TRPC1: variants seen among roughly 807,000 people sequenced by gnomAD.
TRPC1 encodes the protein transient receptor potential cation channel subfamily C member 1, also known as short transient receptor potential channel 1.
Under a neutral mutation model 88.2 loss-of-function variants are expected in TRPC1, and 42 were observed. The ratio of observed to expected loss-of-function variants is 0.48; its 90% CI spans 0.37 to 0.62. The LOEUF is 0.62. Among genes scored for constraint, TRPC1 ranks in the 20% least tolerant of loss-of-function variants. The pLI, the probability that TRPC1 is intolerant of heterozygous loss-of-function variation, is 0.00. For missense variants in TRPC1, 699 were observed against 957.3 expected (o/e 0.73, Z 3.56); for synonymous variants, 288 against 331.8 (o/e 0.87, Z 1.43).
chr3:142,736,684 C>A, intron 2 of TRPC1, 151 bp downstream of exon 2: 1 of 786,984 alleles, frequency 1.3e-6, no homozygotes, highest in Non-Finnish European at 1.8e-6. Context: ...TGTCTTTCAT[C>A]TTTTATTTGG....
At chr3:142,779,861 A>ATTTTTTT (rs1008974297) in intron 5 of TRPC1, among the ~76,000 whole-genome samples, 1 of 125,420 alleles carries the variant, frequency 8.0e-6, no homozygotes, top group Non-Finnish European at 1.7e-5. Context: ...AATGTAATTG[A>ATTTTTTT]TTTTTTTTTT....
At chr3:142,758,947 T>C (rs984013459) in intron 4 of TRPC1, among the ~76,000 whole-genome samples, 9 of 151,856 alleles carry the variant, frequency 5.9e-5, no homozygotes, top group Admixed American at 5.9e-4. Flanking sequence ...GTCCTTGCGA[T>C]AGTTTGCTCA....
At position 142,739,124 on chromosome 3, in the gene TRPC1, A is replaced by T. The variant is rs563475776; in HGVS notation, c.327+2591A>T. Among the ~76,000 whole-genome samples the T allele has an allele frequency of 6.6e-5, 10 of 152,082 alleles. No homozygotes were observed. In the South Asian group the frequency reaches 2.1e-3, roughly 32 times the overall value. On this transcript the variant is annotated intron_variant, in intron 2 of 12. Transcript: ENST00000476941. ...GTAGCTGGGATTATTATAGGCATGC[A>T]CCATCACGCCCGGCTAATTTTGTAT...
At chr3:142,768,449 C>T (rs1357434621) in intron 4 of TRPC1, among the ~76,000 whole-genome samples, 1 of 151,962 alleles carries the variant, frequency 6.6e-6, no homozygotes, top group Non-Finnish European at 1.5e-5. Flanking sequence ...TTTTTCCAAC[C>T]CTTTATTTTC....
At chr3:142,749,206 C>T (rs75236597) in intron 4 of TRPC1, among the ~76,000 whole-genome samples, 5,458 of 152,156 alleles carry the variant, frequency 0.036, 345 homozygotes, top group African/African-American at 0.12. Context: ...CATAGTGCAA[C>T]GCATTACTCA....
At chr3:142,729,871 G>A (rs1369270935) in intron 1 of TRPC1, among the ~76,000 whole-genome samples, 1 of 152,130 alleles carries the variant, frequency 6.6e-6, no homozygotes, top group Non-Finnish European at 1.5e-5. Flanking sequence ...AAGAATTCCA[G>A]CACTGTATCA....
intron 1 of TRPC1, among the ~76,000 whole-genome samples, chr3:142,735,759 G>C (rs572137282): frequency 6.6e-6 from 1 of 152,100 alleles, no homozygotes; most frequent in East Asian, 1.9e-4. Flanking sequence ...AATCTAATCA[G>C]CTTCATTAAT....
chr3:142,724,756 C>T lies in TRPC1; in HGVS notation c.172+25C>T, dbSNP rs200563054. 5.1e-5 allele frequency: 78 copies of T among 1,536,714 alleles called. No homozygotes were observed. The highest frequency in any genetic ancestry group is 1.8e-4 in the Middle Eastern group (1 of 5,714). On this transcript the variant is annotated intron_variant, in intron 1 of 12. Coordinates refer to ENST00000476941, the MANE Select transcript of TRPC1 (RefSeq NM_001251845.2). This position sits in a 1 kb window ranked among gnomAD's most constrained non-coding sequence, Gnocchi z 5.6. ...GGTGAGAGTTAGGCCCCTTTCTCCT[C>T]TGGACGCCCCTGTCCTCCAGACCTT...
In TRPC1 at chr3:142,776,127, A is replaced by G. The variant is rs950774801; in HGVS notation, c.633-1505A>G. Reference sequence around the variant, plus strand: ...TGAATCTGTATATGGTAACACAGAAAGAGATTCATGATATGTTACACTTTT... The same window carrying G: ...TGAATCTGTATATGGTAACACAGAAGGAGATTCATGATATGTTACACTTTT... On this transcript the variant is annotated intron_variant, in intron 4 of 12. Coordinates refer to ENST00000476941, the MANE Select transcript of TRPC1 (RefSeq NM_001251845.2). This position sits in a 1 kb window ranked among gnomAD's most constrained non-coding sequence, Gnocchi z 4.1. Among the ~76,000 whole-genome samples the G allele has an allele frequency of 2.0e-5, 3 of 152,202 alleles. No homozygotes were observed. The highest frequency in any genetic ancestry group is 4.4e-5 in the Non-Finnish European group (3 of 68,028).
intron 4 of TRPC1, among the ~76,000 whole-genome samples, chr3:142,756,484 C>G (rs187157034): frequency 6.7e-4 from 102 of 152,090 alleles, no homozygotes; most frequent in African/African-American, 2.4e-3. Context: ...CTCAGCCTCC[C>G]GAGTAGCTGG....
At chr3:142,780,716 A>G (rs1935932099) in intron 5 of TRPC1, 118 bp from the exon 6 acceptor site, 12 of 1,071,012 alleles carry the variant, frequency 1.1e-5, no homozygotes, top group South Asian at 7.6e-5. Context: ...AAATGACTTC[A>G]GATTTTGTGT....
chr3:142,727,183 T>G, intron 1 of TRPC1, among the ~76,000 whole-genome samples: 1 of 152,202 alleles, frequency 6.6e-6, no homozygotes, highest in East Asian at 1.9e-4. Context: ...GTGTATTACA[T>G]TTGTTCAATG....
intron 4 of TRPC1, among the ~76,000 whole-genome samples, chr3:142,749,767 C>T (rs1934687916): frequency 6.6e-6 from 1 of 152,054 alleles, no homozygotes; most frequent in Non-Finnish European, 1.5e-5. Flanking sequence ...GAAATAATGC[C>T]ACACATCTAC....
intron 2 of TRPC1, among the ~76,000 whole-genome samples, chr3:142,740,991 A>G (rs1934324049): frequency 6.6e-6 from 1 of 152,098 alleles, no homozygotes; most frequent in African/African-American, 2.4e-5. Flanking sequence ...TAGCTTTGGA[A>G]AGGAAATACG....
intron 6 of TRPC1, among the ~76,000 whole-genome samples, chr3:142,782,565 G>A (rs565966415): frequency 2.0e-5 from 3 of 152,266 alleles, no homozygotes; most frequent in African/African-American, 4.8e-5. Flanking sequence ...GAAAGGGCAT[G>A]GCAATCATGA....
intron 8 of TRPC1, among the ~76,000 whole-genome samples, chr3:142,791,986 A>G (rs1936307302): frequency 6.6e-6 from 1 of 152,188 alleles, no homozygotes; most frequent in East Asian, 1.9e-4. Flanking sequence ...TCAAGGAACT[A>G]AAATATATAA....
intron 5 of TRPC1, among the ~76,000 whole-genome samples, chr3:142,779,495 T>A (rs1467612549): frequency 6.6e-6 from 1 of 152,188 alleles, no homozygotes; most frequent in Admixed American, 6.5e-5. Context: ...TGATAAACAT[T>A]CCAGTCTGCA....
At position 142,803,988 on chromosome 3, in the gene TRPC1, C is replaced by G; in HGVS notation, c.1769C>G (p.Thr590Ser). ...AATTGTCTTTACAGGTTCATTGGCA[C>G]CTGCTTTGCTTTGTTCTGGTATATT... Reference protein sequence around the residue: ...SNDTFHSFIGTCFALFWYIFS... With the variant: ...SNDTFHSFIGSCFALFWYIFS... The change falls in exon 11 of 13, where the codon ACC becomes AGC. Residue 590 changes from threonine to serine, a missense_variant. Physicochemically the swap from Thr to Ser is moderately conservative, Grantham distance 58. Around this residue, in one of 4 missense-constraint regions of TRPC1, gnomAD observed 426 missense variants for 641.3 expected, o/e 0.66. Transcript: ENST00000476941. 5 of 1,613,460 alleles carry G rather than the reference C, an allele frequency of 3.1e-6. No individual in the cohort carries two copies. Among genetic ancestry groups the G allele is most frequent in the Non-Finnish European group, 4.2e-6 (5 of 1,179,634 alleles).
chr3:142,744,567 CT>C (rs1460292414), intron 3 of TRPC1, among the ~76,000 whole-genome samples: 1 of 152,040 alleles, frequency 6.6e-6, no homozygotes, highest in African/African-American at 2.4e-5. Flanking sequence ...TAAAACAGTA[CT>C]TTTAAAAGAA....
Sources: gnomAD v4.1 joint callset for allele counts (sites outside exome capture counted in the v4.1 genomes callset) on GRCh38, gnomAD v4.1.1 for gene constraint, gnomAD v4.1.1 regional missense constraint, Gnocchi (gnomAD v3.1) non-coding constraint, MANE v1.5 for transcripts, NCBI Gene and HGNC (gene_info 2026-07-23, HGNC 2026-07-21) for gene names.